MAGI2: variants seen among roughly 807,000 people sequenced by gnomAD.
MAGI2 encodes the protein membrane-associated guanylate kinase, WW and PDZ domain-containing protein 2.
MAGI2 carries 35 observed loss-of-function variants against 133.3 expected under a neutral mutation model. The ratio of observed to expected loss-of-function variants is 0.26; its 90% confidence interval spans 0.20 to 0.35. MAGI2 has a LOEUF of 0.35. Ranked by LOEUF, MAGI2 falls within the 10% of genes least tolerant of loss-of-function variation. The pLI, the probability that MAGI2 is intolerant of heterozygous loss-of-function variation, is 1.00. For missense variants in MAGI2, 1,636 were observed against 1,863.4 expected (o/e 0.88, Z 2.25); for synonymous variants, 729 against 710.6 (o/e 1.03, Z -0.41).
chr7:79,034,225 A>G (rs1352754708), intron 1 of MAGI2, among the ~76,000 whole-genome samples: 1 of 152,028 alleles, frequency 6.6e-6, no homozygotes, highest in Non-Finnish European at 1.5e-5. Context: ...TTTTTTTACC[A>G]TTTCCTTTCC....
intron 1 of MAGI2, among the ~76,000 whole-genome samples, chr7:79,442,284 T>A (rs1015926542): frequency 6.6e-6 from 1 of 152,204 alleles, no homozygotes; most frequent in African/African-American, 2.4e-5. Context: ...ATATCACTGA[T>A]AATTGAAAAT....
intron 9 of MAGI2, among the ~76,000 whole-genome samples, chr7:78,286,700 A>G (rs1796178205): frequency 6.6e-6 from 1 of 152,132 alleles, no homozygotes; most frequent in Non-Finnish European, 1.5e-5. Flanking sequence ...TAGAATGGTC[A>G]AGGAGAAAGA....
At chr7:78,628,264 G>A (rs1808583053) in intron 2 of MAGI2, among the ~76,000 whole-genome samples, 1 of 147,830 alleles carries the variant, frequency 6.8e-6, no homozygotes, top group African/African-American at 2.5e-5. Context: ...TGGTCAGATT[G>A]GAATTTACAT....
At chr7:78,732,096 C>A (rs1278800092) in intron 2 of MAGI2, among the ~76,000 whole-genome samples, 2 of 152,070 alleles carry the variant, frequency 1.3e-5, no homozygotes, top group Non-Finnish European at 2.9e-5. Context: ...ACAATAAAAT[C>A]TTGAAGGTAT....
At chr7:79,048,656 T>G (rs1812391578) in intron 1 of MAGI2, among the ~76,000 whole-genome samples, 1 of 152,164 alleles carries the variant, frequency 6.6e-6, no homozygotes, top group Non-Finnish European at 1.5e-5. Context: ...TATTTTATGG[T>G]CACAGAAGCC....
At chr7:78,070,174 CATATATATATATATATATATATATATAT>C (rs57714371) in intron 21 of MAGI2, among the ~76,000 whole-genome samples, 8 of 56,666 alleles carry the variant, frequency 1.4e-4, no homozygotes, top group South Asian at 7.3e-4. Context: ...CACACACACA[CATATATATATATATATATATATATATAT>C]ATATATATAT....
intron 6 of MAGI2, among the ~76,000 whole-genome samples, chr7:78,379,775 A>C (rs1794754435): frequency 6.6e-6 from 1 of 152,040 alleles, no homozygotes; most frequent in Non-Finnish European, 1.5e-5. Flanking sequence ...ATATGCATGG[A>C]ACACTCGCCA....
At chr7:78,845,803 C>T (rs1342829407) in intron 2 of MAGI2, among the ~76,000 whole-genome samples, 1 of 151,840 alleles carries the variant, frequency 6.6e-6, no homozygotes, top group Non-Finnish European at 1.5e-5. Context: ...GCTATACCTA[C>T]ACAGGAAAGG....
At chr7:78,909,685 T>C (rs571146730) in intron 2 of MAGI2, among the ~76,000 whole-genome samples, 1 of 151,796 alleles carries the variant, frequency 6.6e-6, no homozygotes, top group African/African-American at 2.4e-5. Context: ...TTTACACTAT[T>C]GGTGGGAATG....
At chr7:78,608,353 T>C (rs1461069537) in intron 3 of MAGI2, among the ~76,000 whole-genome samples, 1 of 152,068 alleles carries the variant, frequency 6.6e-6, no homozygotes, top group Non-Finnish European at 1.5e-5. Flanking sequence ...GCTGTACCTT[T>C]CTGGGTATCA....
intron 6 of MAGI2, among the ~76,000 whole-genome samples, chr7:78,477,562 T>C (rs986796121): frequency 1.3e-4 from 19 of 151,602 alleles, no homozygotes; most frequent in African/African-American, 4.1e-4. Context: ...AGCAAAGGGG[T>C]GTCTTACATG....
chr7:78,113,445 T>A (rs1448757075), intron 20 of MAGI2, among the ~76,000 whole-genome samples: 1 of 152,190 alleles, frequency 6.6e-6, no homozygotes, highest in Non-Finnish European at 1.5e-5. Context: ...CACATAATGA[T>A]GTTTTGATCA....
chr7:79,054,473 G>C (rs1034773785), intron 1 of MAGI2, among the ~76,000 whole-genome samples: 3 of 152,190 alleles, frequency 2.0e-5, no homozygotes, highest in African/African-American at 7.2e-5. Context: ...TCTGTTACCT[G>C]AGTTCAAAAC....
chr7:79,172,509 T>C (rs1029944591), intron 1 of MAGI2, among the ~76,000 whole-genome samples: 6 of 152,092 alleles, frequency 3.9e-5, no homozygotes, highest in Admixed American at 6.6e-5. Flanking sequence ...ATTTAAAATT[T>C]AGTATTAAAG....
chr7:79,113,734 A>G (rs1819141505), intron 1 of MAGI2, among the ~76,000 whole-genome samples: 1 of 152,072 alleles, frequency 6.6e-6, no homozygotes, highest in South Asian at 2.1e-4. Context: ...ATTTGTGCAC[A>G]TTGTGCCAAG....
At chr7:79,365,304 G>A (rs1396824754) in intron 1 of MAGI2, among the ~76,000 whole-genome samples, 1 of 152,194 alleles carries the variant, frequency 6.6e-6, no homozygotes, top group African/African-American at 2.4e-5. Flanking sequence ...AAATGGTACA[G>A]CTAGTTTGGC....
chr7:78,573,858 T>C (rs892429177), intron 3 of MAGI2, among the ~76,000 whole-genome samples: 1 of 152,050 alleles, frequency 6.6e-6, no homozygotes, highest in East Asian at 1.9e-4. Flanking sequence ...AATCCTCCAG[T>C]TTCTTTCATG....
intron 4 of MAGI2, among the ~76,000 whole-genome samples, chr7:78,503,610 C>T (rs1794836657): frequency 9.0e-6 from 1 of 110,630 alleles, no homozygotes; most frequent in Non-Finnish European, 1.9e-5. Context: ...CCTTCTCCCC[C>T]TCCTTCCCCT....
chr7:78,895,721 CAAA>C (rs1797162476), intron 2 of MAGI2, among the ~76,000 whole-genome samples: 1 of 152,120 alleles, frequency 6.6e-6, no homozygotes. Context: ...TCTGCATATT[CAAA>C]AGGTTGAGAG....
Sources: allele counts gnomAD v4.1 joint callset (sites outside exome capture counted in the v4.1 genomes callset), GRCh38; gene constraint gnomAD v4.1.1; transcripts MANE v1.5; gene names NCBI Gene and HGNC (gene_info 2026-07-23, HGNC 2026-07-21).